GPRC5C: variants seen among roughly 807,000 people sequenced by gnomAD.
GPRC5C encodes G protein-coupled receptor family C group 5 member C.
GPRC5C carries 22 observed loss-of-function variants against 31.4 expected under a neutral mutation model. That is an observed-to-expected ratio of 0.70 (90% CI 0.50 to 1.00). The LOEUF (loss-of-function observed/expected upper bound fraction) is 1.00. Ranked by LOEUF, GPRC5C falls within the 50% of genes least tolerant of loss-of-function variation. The pLI, the probability that GPRC5C is intolerant of heterozygous loss-of-function variation, is 0.00. For synonymous variants in GPRC5C, 249 were observed against 257.5 expected (o/e 0.97, Z 0.32); for missense variants, 557 against 597.2 (o/e 0.93, Z 0.70).
Position 74,441,808 on chromosome 17 carries a change from C to CA in GPRC5C, c.1051+995dup, listed in dbSNP as rs59602459. ...CACCACATTCCAGCCTGGATGATCT[C>CA]AAAAAAAAAAAAAATTACTTAGTGC... is the stretch of plus-strand genomic sequence containing the variant. On this transcript the variant is annotated intron_variant, in intron 2 of 3. Coordinates refer to ENST00000392627, the MANE Select transcript of GPRC5C (RefSeq NM_022036.4). Among the ~76,000 whole-genome samples the CA allele has an allele frequency of 6.6e-3, 906 of 137,216 alleles. 5 individuals are homozygous for CA. Among genetic ancestry groups the CA allele is most frequent in the African/African-American group, 0.016 (583 of 37,392 alleles). 90.0% of individuals were successfully genotyped at this position (137,216 alleles called of 152,430 possible). A position where few individuals can be genotyped will look rare whatever the true frequency, so the allele number is the denominator to read the frequency against.
At chr17:74,447,895 C>T (rs756654852), downstream of GPRC5C, among the ~76,000 whole-genome samples, 1 of 152,202 alleles carries the variant, frequency 6.6e-6, no homozygotes, top group African/African-American at 2.4e-5. Context: ...TGAGATCACA[C>T]CGTGTGATAC....
chr17:74,446,687 T>G, intron 3 of GPRC5C, 162 bp from the exon 4 acceptor site: 1 of 607,492 alleles, frequency 1.6e-6, no homozygotes, highest in South Asian at 2.0e-5. Context: ...GGTCTGGCTG[T>G]CCCAGGCTGC....
chr17:74,433,623 C>G (rs1259686803), intron 1 of GPRC5C: 11 of 1,125,464 alleles, frequency 9.8e-6, no homozygotes, highest in African/African-American at 3.1e-5. Flanking sequence ...GGCTGTCAGT[C>G]GGGCCATCGT....
At chr17:74,443,955 G>A (rs2055586018) in intron 3 of GPRC5C, 43 bp downstream of exon 3, 9 of 1,348,442 alleles carry the variant, frequency 6.7e-6, no homozygotes, top group Non-Finnish European at 8.5e-6. Flanking sequence ...CTGGGCTACA[G>A]AGACCAGCCT....
chr17:74,433,282 A>AT (rs2055383075), intron 1 of GPRC5C, among the ~76,000 whole-genome samples: 1 of 151,622 alleles, frequency 6.6e-6, no homozygotes, highest in Non-Finnish European at 1.5e-5. Flanking sequence ...GAGGGAGTGC[A>AT]TTGGGGGGTG....
At chr17:74,443,578 A>C in intron 2 of GPRC5C, 14 of 653,964 alleles carry the variant, frequency 2.1e-5, no homozygotes, top group East Asian at 6.1e-5. Context: ...AGTGCAGGGA[A>C]GCTCAGCAGT....
chr17:74,448,029 C>T (rs562742323), downstream of GPRC5C, among the ~76,000 whole-genome samples: 2 of 152,254 alleles, frequency 1.3e-5, no homozygotes, highest in African/African-American at 4.8e-5. Flanking sequence ...TCCATTTATG[C>T]GGGGTGCGAT....
chr17:74,440,157 C>T lies in GPRC5C; in HGVS notation c.381C>T (p.Phe127=), dbSNP rs141898092. 375 of 1,614,198 alleles carry T rather than the reference C, an allele frequency of 2.3e-4. 2 individuals carry two copies. In the African/African-American group the frequency reaches 3.5e-3, roughly 15 times the overall value. The part of the protein sequence containing the change: ...ASRRFLFGVL[F]AICFSCLAAH... ...GGCGCTTCCTCTTTGGGGTTCTGTTCGCCATCTGCTTCTCTTGTCTGGCGG... is the reference window on the plus strand; with the variant it reads ...GGCGCTTCCTCTTTGGGGTTCTGTTTGCCATCTGCTTCTCTTGTCTGGCGG... Residue 127 remains phenylalanine (F), a synonymous_variant, in exon 2 of 4, where the codon TTC becomes TTT. Coordinates refer to ENST00000392627, the MANE Select transcript of GPRC5C (RefSeq NM_022036.4). The surrounding 1 kb of genome is among the most constrained non-coding windows in gnomAD (Gnocchi z 4.4).
At chr17:74,443,630 T>G in intron 2 of GPRC5C, 188 bp from the exon 3 acceptor site, 1 of 699,884 alleles carries the variant, frequency 1.4e-6, no homozygotes, top group Non-Finnish European at 2.6e-6. Context: ...GTGCTAGGCT[T>G]GGGAGGGGGC....
In GPRC5C at chr17:74,432,119, G is replaced by A; in HGVS notation, c.-55G>A. ...TCCCATCTCCCTCACCAGCCGGAAA[G>A]TACGAGTCGGCTCAGCCTGGAGGTG... On this transcript the variant is annotated 5_prime_UTR_variant, in exon 1 of 4. Transcript: ENST00000392627. 6.2e-7 allele frequency: 1 copy of A among 1,613,396 alleles called. No homozygotes were observed. The highest frequency in any genetic ancestry group is 8.5e-7 in the Non-Finnish European group (1 of 1,179,800).
intron 1 of GPRC5C, chr17:74,432,406 A>G (rs1320359899): frequency 3.2e-5 from 40 of 1,246,948 alleles, no homozygotes; most frequent in Non-Finnish European, 3.9e-5. Context: ...CATCCCAGCC[A>G]GGACCGGGCC....
chr17:74,432,268 G>T, intron 1 of GPRC5C, 127 bp downstream of exon 1: 1 of 1,488,470 alleles, frequency 6.7e-7, no homozygotes, highest in South Asian at 1.4e-5. Context: ...GCAGGCTCCA[G>T]CCCACCCTCG....
intron 1 of GPRC5C, chr17:74,433,589 G>A (rs568655254): frequency 1.2e-6 from 1 of 837,324 alleles, no homozygotes; most frequent in African/African-American, 1.7e-5. Context: ...GACTGGGAGA[G>A]ACCGATAGGA....
intron 3 of GPRC5C, 170 bp from the exon 4 acceptor site, chr17:74,446,679 T>A (rs2055640309): frequency 1.7e-6 from 1 of 594,170 alleles, no homozygotes; most frequent in Non-Finnish European, 3.0e-6. Context: ...GGGGCTCAGG[T>A]CTGGCTGTCC....
chr17:74,437,185 G>T (rs1472888482), intron 1 of GPRC5C, among the ~76,000 whole-genome samples: 1 of 152,094 alleles, frequency 6.6e-6, no homozygotes, highest in African/African-American at 2.4e-5. Context: ...CTCGTGATCT[G>T]CCCGCCAAAA....
At chr17:74,442,285 G>T (rs1226558832) in intron 2 of GPRC5C, among the ~76,000 whole-genome samples, 1 of 152,242 alleles carries the variant, frequency 6.6e-6, no homozygotes. Context: ...TTACAGGTGT[G>T]AGCCACTGCA....
chr17:74,443,748 G>C, intron 2 of GPRC5C, 70 bp from the exon 3 acceptor site: 1 of 1,143,926 alleles, frequency 8.7e-7, no homozygotes, highest in East Asian at 2.3e-5. Context: ...AGCCTTGCTT[G>C]GTTTGTGGGA....
intron 1 of GPRC5C, 121 bp downstream of exon 1, chr17:74,432,262 GCTC>G: frequency 6.7e-7 from 1 of 1,502,378 alleles, no homozygotes. Flanking sequence ...GGTGATGCAG[GCTC>G]CAGCCCACCC....
At chr17:74,442,970 CTTTT>C (rs113371488) in intron 2 of GPRC5C, 1 of 148,498 alleles carries the variant, frequency 6.7e-6, no homozygotes, top group Non-Finnish European at 1.5e-5. Context: ...TTTTTACTTC[CTTTT>C]TTTTTTTCTA....
Sources: gnomAD v4.1 joint callset for allele counts (sites outside exome capture counted in the v4.1 genomes callset) on GRCh38, gnomAD v4.1.1 for gene constraint, Gnocchi (gnomAD v3.1) non-coding constraint, MANE v1.5 for transcripts, NCBI Gene and HGNC (gene_info 2026-07-23, HGNC 2026-07-21) for gene names.